The following LARP1B variants were observed in gnomAD, a reference collection of about 807,000 sequenced individuals.
The protein encoded by LARP1B is la-related protein 1B.
Under a neutral mutation model 114.2 loss-of-function variants are expected in LARP1B, and 76 were observed. The ratio of observed to expected loss-of-function variants is 0.67; its 90% CI spans 0.55 to 0.81. The LOEUF (loss-of-function observed/expected upper bound fraction) is 0.81. Ranked by LOEUF, LARP1B falls within the 30% of genes least tolerant of loss-of-function variation. The pLI, the probability that LARP1B is intolerant of heterozygous loss-of-function variation, is 0.00. For missense variants in LARP1B, 1,014 were observed against 1,075.8 expected (o/e 0.94, Z 0.80); for synonymous variants, 345 against 348.0 (o/e 0.99, Z 0.10).
chr4:128,110,676 C>CAAAAAAAAAAAAAAAAAAAAAAA lies in LARP1B; in HGVS notation c.988+3380_988+3381insAAAAAAAAAAAAAAAAAAAAAAA, dbSNP rs544129662. On this transcript the variant is annotated intron_variant, in intron 9 of 19. Coordinates refer to ENST00000326639, the MANE Select transcript of LARP1B (RefSeq NM_018078.4). ...TGGGCGACAGAGCGAGACTCCGTCT[C>CAAAAAAAAAAAAAAAAAAAAAAA]AAAAAAAAAAAAAAAAAGATGCAGC... Among the ~76,000 whole-genome samples, 69 of 32,406 alleles carry CAAAAAAAAAAAAAAAAAAAAAAA rather than the reference C, an allele frequency of 2.1e-3. 5 individuals carry two copies. The highest frequency in any genetic ancestry group is 3.6e-3 in the African/African-American group (22 of 6,048). 21.3% of individuals were successfully genotyped at this position (32,406 alleles called of 152,430 possible).
At chr4:128,154,864 C>T (rs1734713617) in intron 11 of LARP1B, among the ~76,000 whole-genome samples, 1 of 150,156 alleles carries the variant, frequency 6.7e-6, no homozygotes, top group Admixed American at 6.6e-5. Context: ...ACCTCCGTCT[C>T]CTGGGTTCAA....
chr4:128,062,044 G>T (rs1367661049), intron 1 of LARP1B: 1 of 985,302 alleles, frequency 1.0e-6, no homozygotes, highest in South Asian at 4.7e-5. Flanking sequence ...TGCCGCCGTT[G>T]CTGCGGGATC....
At chr4:128,099,856 T>C (rs1457358073) in intron 8 of LARP1B, among the ~76,000 whole-genome samples, 2 of 152,196 alleles carry the variant, frequency 1.3e-5, no homozygotes, top group African/African-American at 4.8e-5. Context: ...CATTTTGCAT[T>C]CCCACGATTA....
intron 9 of LARP1B, among the ~76,000 whole-genome samples, chr4:128,111,300 G>GC (rs1162372033): frequency 6.6e-6 from 1 of 152,016 alleles, no homozygotes; most frequent in Non-Finnish European, 1.5e-5. Flanking sequence ...ACCTGTCTCG[G>GC]CCCCCCAAAG....
intron 11 of LARP1B, among the ~76,000 whole-genome samples, chr4:128,151,848 C>G (rs933346964): frequency 6.6e-6 from 1 of 152,098 alleles, no homozygotes; most frequent in Admixed American, 6.5e-5. Flanking sequence ...AAGTGATCTG[C>G]CCACCTTGGC....
intron 6 of LARP1B, among the ~76,000 whole-genome samples, chr4:128,219,267 C>G (rs1260826585): frequency 1.1e-4 from 13 of 123,030 alleles, no homozygotes; most frequent in Non-Finnish European, 1.8e-4. Flanking sequence ...ACTAGAAATA[C>G]CATTTGACCC....
chr4:128,204,149 A>T (rs1022963609), intron 17 of LARP1B, among the ~76,000 whole-genome samples: 7 of 152,114 alleles, frequency 4.6e-5, no homozygotes, highest in African/African-American at 1.4e-4. Flanking sequence ...TCAATAATCT[A>T]AGAATTTCTA....
chr4:128,073,562 T>C (rs1399301235), intron 1 of LARP1B, among the ~76,000 whole-genome samples: 2 of 144,494 alleles, frequency 1.4e-5, no homozygotes, highest in African/African-American at 2.5e-5. Flanking sequence ...TCTCCTGTTA[T>C]ATTGTTGTCG....
intron 8 of LARP1B, among the ~76,000 whole-genome samples, chr4:128,100,428 A>G (rs1053575891): frequency 6.6e-6 from 1 of 151,474 alleles, no homozygotes; most frequent in Non-Finnish European, 1.5e-5. Flanking sequence ...GCACGCCACC[A>G]AGCCTATCTA....
At chr4:128,122,906 G>A (rs1788458757) in intron 11 of LARP1B, 5 of 990,498 alleles carry the variant, frequency 5.0e-6, no homozygotes, top group Non-Finnish European at 6.0e-6. Context: ...ACAGATATGG[G>A]GATAAAAGGA....
chr4:128,187,087 GA>G (rs1374333652), intron 15 of LARP1B, among the ~76,000 whole-genome samples: 1 of 152,240 alleles, frequency 6.6e-6, no homozygotes, highest in African/African-American at 2.4e-5. Context: ...CCCTCATGGA[GA>G]ACCTCTACAA....
At position 128,200,502 on chromosome 4, in the gene LARP1B, TTTA is replaced by T; in HGVS notation, c.2165-16_2165-14del. On this transcript the variant is annotated splice_polypyrimidine_tract_variant and intron_variant, in intron 16 of 19. Coordinates refer to ENST00000326639, the MANE Select transcript of LARP1B (RefSeq NM_018078.4). ...AAAAGTATGTTTAATAAAATAATAT[TTTA>T]TTTAACTTTTTTCAGAGAGAAAACG... is the stretch of plus-strand genomic sequence containing the variant. The T allele has an allele frequency of 7.3e-7, 1 of 1,373,660 alleles. No individual in the cohort carries two copies. Among genetic ancestry groups the T allele is most frequent in the Non-Finnish European group, 9.6e-7 (1 of 1,041,218 alleles). 85.1% of individuals were successfully genotyped at this position (1,373,660 alleles called of 1,614,324 possible). A position where few individuals can be genotyped will look rare whatever the true frequency, so the allele number is the denominator to read the frequency against.
At chr4:128,158,148 A>G (rs1736686308) in intron 11 of LARP1B, among the ~76,000 whole-genome samples, 1 of 152,182 alleles carries the variant, frequency 6.6e-6, no homozygotes, top group Non-Finnish European at 1.5e-5. Flanking sequence ...GTGTGCATCT[A>G]ATAATGTAGC....
In LARP1B at chr4:128,200,529, C is replaced by T. The variant is rs775622347; in HGVS notation, c.2173C>T (p.Arg725Cys). The T allele has an allele frequency of 1.4e-5, 21 of 1,469,030 alleles. No homozygotes were observed. Among genetic ancestry groups the T allele is most frequent in the South Asian group, 9.0e-5 (6 of 67,038 alleles). The allele number at this position is 1,469,030 out of a possible 1,614,324, so 91.0% of individuals were successfully genotyped here. A position where few individuals can be genotyped will look rare whatever the true frequency, so the allele number is the denominator to read the frequency against. Reference protein sequence around the residue: ...YRRRCLSERKRLGIGQSQEMN... With the variant: ...YRRRCLSERKCLGIGQSQEMN... ...TATTTAACTTTTTTCAGAGAGAAAA[C>T]GCTTGGGAATTGGTCAGTCCCAAGA... Residue 725 changes from arginine to cysteine, a missense_variant, in exon 17 of 20, where the codon CGC becomes TGC. Transcript: ENST00000326639.
intron 5 of LARP1B, among the ~76,000 whole-genome samples, chr4:128,084,374 C>T (rs539261376): frequency 1.5e-3 from 235 of 152,396 alleles, no homozygotes; most frequent in African/African-American, 5.5e-3. Flanking sequence ...GCAATCCCGG[C>T]ACCTCCGGGA....
At chr4:128,075,019 T>C (rs1767237638) in intron 3 of LARP1B, 26 bp downstream of exon 3, 1 of 1,515,096 alleles carries the variant, frequency 6.6e-7, no homozygotes, top group Non-Finnish European at 9.1e-7. Context: ...AAGTTTTTTT[T>C]TTTAAAGAAA....
At chr4:128,073,418 C>CAAAAAAAAAAAAA (rs776553862) in intron 1 of LARP1B, among the ~76,000 whole-genome samples, 1 of 42,910 alleles carries the variant, frequency 2.3e-5, no homozygotes, top group Non-Finnish European at 3.7e-5. Flanking sequence ...GATTCCGTCT[C>CAAAAAAAAAAAAA]AAAAAAAAAA....
rs1304255500 is a variant in LARP1B at position 128,176,046 on chromosome 4, A to G, written c.1649-826A>G. On this transcript the variant is annotated intron_variant, in intron 12 of 19. Coordinates refer to ENST00000326639, the MANE Select transcript of LARP1B (RefSeq NM_018078.4). ...TACTGGATTTAACACATTTTTCAGT[A>G]TATGTTCATGTTTTTATCTCTAGGA... 3.3e-5 allele frequency among the ~76,000 whole-genome samples: 5 copies of G among 149,720 alleles called. No individual in the cohort carries two copies. The East Asian group carries it at 7.8e-4, about 23-fold the overall frequency.
chr4:128,183,800 T>C (rs890859754), intron 15 of LARP1B, among the ~76,000 whole-genome samples: 2 of 152,154 alleles, frequency 1.3e-5, no homozygotes, highest in African/African-American at 2.4e-5. Flanking sequence ...ATTAAGAACA[T>C]TGGTGATTCA....
Sources: allele counts gnomAD v4.1 joint callset (sites outside exome capture counted in the v4.1 genomes callset), GRCh38; gene constraint gnomAD v4.1.1; transcripts MANE v1.5; gene names NCBI Gene and HGNC (gene_info 2026-07-23, HGNC 2026-07-21).